The following SDC2 variants were observed in gnomAD, a reference collection of about 807,000 sequenced individuals.
SDC2 encodes syndecan 2.
Under a neutral mutation model 22.2 loss-of-function variants are expected in SDC2, and 13 were observed. That is an observed-to-expected ratio of 0.59 (90% CI 0.38 to 0.93). The LOEUF is 0.93. SDC2 is among the 40% of genes least tolerant of loss of function. The pLI is 0.00. For synonymous variants in SDC2, 94 were observed against 92.8 expected, an observed-to-expected ratio of 1.01 and a Z score of -0.07; for missense variants, 235 against 246.8, an observed-to-expected ratio of 0.95 and a Z score of 0.32.
At chr8:96,500,269 T>C (rs1489480572) in intron 1 of SDC2, among the ~76,000 whole-genome samples, 1 of 152,152 alleles carries the variant, frequency 6.6e-6, no homozygotes, top group Non-Finnish European at 1.5e-5. Context: ...GTCTGTATCA[T>C]GCGTTGGTAT....
intron 3 of SDC2, 34 bp from the exon 4 acceptor site, chr8:96,608,301 A>G (rs780039776): frequency 6.3e-7 from 1 of 1,596,222 alleles, no homozygotes; most frequent in South Asian, 1.1e-5. Context: ...CATTTCCTTA[A>G]ATCAATGTAA....
At chr8:96,593,402 A>G (rs1393120836) in intron 1 of SDC2, 78 bp from the exon 2 acceptor site, 1 of 925,170 alleles carries the variant, frequency 1.1e-6, no homozygotes, top group Admixed American at 1.8e-5. Flanking sequence ...TCACTGCAGT[A>G]TGTACCTGAA....
intron 1 of SDC2, among the ~76,000 whole-genome samples, chr8:96,537,952 T>TGTTTGTTTGTTTGTTTG (rs55762050): frequency 6.6e-6 from 1 of 150,820 alleles, no homozygotes; most frequent in Non-Finnish European, 1.5e-5. Context: ...ATGTTTTGTT[T>TGTTTGTTTGTTTGTTTG]TTTGTTTGTT....
rs997773054 is a variant in SDC2, at chr8:96,494,266, G to C, written c.-6G>C. The C allele has an allele frequency of 6.5e-7, 1 of 1,544,792 alleles. No homozygotes were observed. Among genetic ancestry groups the C allele is most frequent in the Admixed American group, 1.9e-5 (1 of 51,412 alleles). On this transcript the variant is annotated 5_prime_UTR_variant, in exon 1 of 5. Coordinates refer to ENST00000302190, the MANE Select transcript of SDC2 (RefSeq NM_002998.4). Reference sequence around the variant, plus strand: ...AGCGGCTGGGAGCAGCCGGTCCCTGGGGAATATGCGGCGCGCGTGGATCCT... The same window carrying C: ...AGCGGCTGGGAGCAGCCGGTCCCTGCGGAATATGCGGCGCGCGTGGATCCT...
rs190502816 is a variant in SDC2 at position 96,526,351 on chromosome 8, G to A, written c.60+32020G>A. On this transcript the variant is annotated intron_variant, in intron 1 of 4. Transcript: ENST00000302190. ...AGGACCAAGCTGATCTCCTTAAAGCGGTTGCAAAAACCACCCAGTTGTTAT... is the reference window on the plus strand; with the variant it reads ...AGGACCAAGCTGATCTCCTTAAAGCAGTTGCAAAAACCACCCAGTTGTTAT... 5.5e-3 allele frequency among the ~76,000 whole-genome samples: 584 copies of A among 106,040 alleles called. 4 individuals are homozygous for A. Among genetic ancestry groups the A allele is most frequent in the Non-Finnish European group, 9.0e-3 (468 of 52,112 alleles). 69.6% of individuals were successfully genotyped at this position (106,040 alleles called of 152,430 possible).
At chr8:96,598,209 G>T (rs1814913952) in intron 2 of SDC2, among the ~76,000 whole-genome samples, 1 of 152,172 alleles carries the variant, frequency 6.6e-6, no homozygotes, top group South Asian at 2.1e-4. Flanking sequence ...CTGCCCCCAT[G>T]ACCTGCTCAT....
intron 1 of SDC2, among the ~76,000 whole-genome samples, chr8:96,560,841 C>T (rs1018765828): frequency 6.6e-5 from 10 of 152,180 alleles, no homozygotes; most frequent in Non-Finnish European, 1.3e-4. Flanking sequence ...CGTGATGGCT[C>T]ACGCTTGTAA....
chr8:96,512,729 T>A (rs1340573425), intron 1 of SDC2, among the ~76,000 whole-genome samples: 1 of 152,220 alleles, frequency 6.6e-6, no homozygotes, highest in African/African-American at 2.4e-5. Flanking sequence ...TAAATGTGTT[T>A]GCTGAGTTTA....
intron 1 of SDC2, among the ~76,000 whole-genome samples, chr8:96,523,950 A>G (rs1195578055): frequency 1.3e-5 from 2 of 152,176 alleles, no homozygotes; most frequent in Non-Finnish European, 2.9e-5. Context: ...GGTGGCCACA[A>G]TGGTGGTGTT....
rs574647686 is a variant in SDC2 at position 96,610,223 on chromosome 8, G to C, written c.*675G>C. The C allele has an allele frequency of 1.3e-5, 2 of 152,590 alleles. No homozygotes were observed. Among genetic ancestry groups the C allele is most frequent in the East Asian group, 3.9e-4 (2 of 5,178 alleles). The allele number at this position is 152,590 out of a possible 1,614,324, so 9.5% of individuals were successfully genotyped here. ...TGGATTATTACTACAAAACCGTTTA[G>C]TCATATCTATCTAATCAGATCTTCT... On this transcript the variant is annotated 3_prime_UTR_variant, in exon 5 of 5. Coordinates refer to ENST00000302190, the MANE Select transcript of SDC2 (RefSeq NM_002998.4).
intron 1 of SDC2, among the ~76,000 whole-genome samples, chr8:96,510,124 C>G (rs1467555517): frequency 6.6e-6 from 1 of 152,144 alleles, no homozygotes; most frequent in Non-Finnish European, 1.5e-5. Flanking sequence ...GCATGTTTGG[C>G]CAGCTTATTA....
At chr8:96,601,010 T>A (rs1377837502) in intron 2 of SDC2, among the ~76,000 whole-genome samples, 1 of 152,042 alleles carries the variant, frequency 6.6e-6, no homozygotes, top group Non-Finnish European at 1.5e-5. Flanking sequence ...TCTTTGATAT[T>A]TGATGTTGAG....
In SDC2 at chr8:96,564,445, G is replaced by A. The variant is rs184284096; in HGVS notation, c.61-29035G>A. On this transcript the variant is annotated intron_variant, in intron 1 of 4. Transcript: ENST00000302190. ...ATCAGTACCTAATAGATTTTTTACC[G>A]CATAGATTTTTCACTTCTCATTGCA... is the stretch of plus-strand genomic sequence containing the variant. 2.4e-3 allele frequency among the ~76,000 whole-genome samples: 364 copies of A among 152,260 alleles called. 3 individuals carry two copies. The highest frequency in any genetic ancestry group is 1.2e-3 in the Non-Finnish European group (85 of 68,026).
intron 2 of SDC2, among the ~76,000 whole-genome samples, chr8:96,598,085 T>C (rs1440157493): frequency 6.6e-6 from 1 of 152,150 alleles, no homozygotes; most frequent in African/African-American, 2.4e-5. Flanking sequence ...TGGTGAGGGC[T>C]TTCTGACTAC....
At chr8:96,592,958 G>C (rs1157758812) in intron 1 of SDC2, among the ~76,000 whole-genome samples, 1 of 152,212 alleles carries the variant, frequency 6.6e-6, no homozygotes, top group African/African-American at 2.4e-5. Flanking sequence ...CAGGTGACTG[G>C]GGATCTCTCA....
At chr8:96,598,478 C>T (rs550256082) in intron 2 of SDC2, among the ~76,000 whole-genome samples, 8 of 151,910 alleles carry the variant, frequency 5.3e-5, no homozygotes, top group Admixed American at 1.3e-4. Flanking sequence ...ATCAGCCAGG[C>T]GTGGTGGCGC....
At chr8:96,574,292 C>T (rs182432275) in intron 1 of SDC2, among the ~76,000 whole-genome samples, 155 of 152,232 alleles carry the variant, frequency 1.0e-3, no homozygotes, top group African/African-American at 3.5e-3. Context: ...ACCTGAAGAC[C>T]TGGAGTGTGC....
intron 1 of SDC2, among the ~76,000 whole-genome samples, chr8:96,494,674 G>T (rs530744725): frequency 3.8e-4 from 58 of 152,242 alleles, no homozygotes; most frequent in African/African-American, 1.3e-3. Context: ...GGTGGCAGGA[G>T]GGGGGAGCCT....
intron 2 of SDC2, among the ~76,000 whole-genome samples, chr8:96,600,963 A>G (rs556238789): frequency 6.6e-6 from 1 of 152,308 alleles, no homozygotes; most frequent in African/African-American, 2.4e-5. Context: ...GAGAAAGTGT[A>G]GAGGAAGAAG....
Sources: gnomAD v4.1 joint callset for allele counts (sites outside exome capture counted in the v4.1 genomes callset) on GRCh38, gnomAD v4.1.1 for gene constraint, MANE v1.5 for transcripts, NCBI Gene and HGNC (gene_info 2026-07-23, HGNC 2026-07-21) for gene names.